Variants in DNPEP observed in about 807,000 individuals in gnomAD.
DNPEP encodes the protein aspartyl aminopeptidase.
In DNPEP, 46 loss-of-function variants were observed where a neutral mutation model predicts 59.1. The observed-to-expected ratio is 0.78, with a 90% confidence interval of 0.61 to 0.99. The LOEUF (loss-of-function observed/expected upper bound fraction) is 0.99, where lower values mean the gene tolerates loss of function less well. Among genes scored for constraint, DNPEP ranks in the 50% least tolerant of loss-of-function variants. The pLI is 0.00. For missense variants in DNPEP, 617 were observed against 649.9 expected, an observed-to-expected ratio of 0.95 and a Z score of 0.55; for synonymous variants, 229 against 242.2, an observed-to-expected ratio of 0.95 and a Z score of 0.50.
chr2:219,382,651 C>G (rs1194177384), intron 10 of DNPEP, among the ~76,000 whole-genome samples: 1 of 152,184 alleles, frequency 6.6e-6, no homozygotes, highest in Non-Finnish European at 1.5e-5. Flanking sequence ...CCTACTAACT[C>G]AGTGTAGACA....
chr2:219,385,898 C>A lies in DNPEP; in HGVS notation c.590+70G>T. The A allele has an allele frequency of 1.9e-6, 3 of 1,584,992 alleles. No homozygotes were observed. In the South Asian group the frequency reaches 3.4e-5, roughly 18 times the overall value. On this transcript the variant is annotated intron_variant, in intron 6 of 14. Transcript: ENST00000273075. ...AGAGTAAAATGTGACCTAATGGCTACCATTAGGTAATAATCACCTGGTACC... is the reference window on the plus strand; with the variant it reads ...AGAGTAAAATGTGACCTAATGGCTAACATTAGGTAATAATCACCTGGTACC...
rs760232103 is a variant in DNPEP at position 219,372,252 on chromosome 2, G to C, written c.*2040C>G. Among the ~76,000 whole-genome samples, 2 of 152,026 alleles carry C rather than the reference G, an allele frequency of 1.3e-5. No homozygotes were observed. Among genetic ancestry groups the C allele is most frequent in the Non-Finnish European group, 2.9e-5 (2 of 68,026 alleles). On this transcript the variant is annotated 3_prime_UTR_variant, in exon 15 of 15. Coordinates refer to ENST00000273075, the MANE Select transcript of DNPEP (RefSeq NM_012100.4). ...AGGAAACCATTACAAAAAGGCTAAG[G>C]CCCTTTTGTCACTCCCAACCCAGAA...
In DNPEP at chr2:219,387,885, C is replaced by G; in HGVS notation, c.-91G>C. Reference sequence around the variant, plus strand: ...CCCCCGCGTGCCCCTTCAGGCCGCGCCGCACTCGTAGGCCTTCATCACGCT... The same window carrying G: ...CCCCCGCGTGCCCCTTCAGGCCGCGGCGCACTCGTAGGCCTTCATCACGCT... On this transcript the variant is annotated 5_prime_UTR_variant, in exon 1 of 15. Coordinates refer to ENST00000273075, the MANE Select transcript of DNPEP (RefSeq NM_012100.4). 6.9e-7 allele frequency: 1 copy of G among 1,446,662 alleles called. No homozygotes were observed. The highest frequency in any genetic ancestry group is 2.8e-5 in the East Asian group (1 of 35,772). 89.6% of individuals were successfully genotyped at this position (1,446,662 alleles called of 1,614,324 possible).
chr2:219,375,518 A>G (rs1254030953), intron 13 of DNPEP, among the ~76,000 whole-genome samples: 1 of 152,166 alleles, frequency 6.6e-6, no homozygotes, highest in East Asian at 1.9e-4. Flanking sequence ...ATGAATAAGA[A>G]TTACAGTATT....
At chr2:219,385,595 T>C in intron 7 of DNPEP, 36 bp downstream of exon 7, 1 of 1,607,100 alleles carries the variant, frequency 6.2e-7, no homozygotes. Context: ...CTCAGGGGAC[T>C]CTGCCGCCCT....
chr2:219,387,028 C>A (rs1187808469), intron 2 of DNPEP, 42 bp downstream of exon 2: 1 of 1,612,206 alleles, frequency 6.2e-7, no homozygotes. Flanking sequence ...GTGAAGGGCG[C>A]ATCAGCCTCC....
At chr2:219,383,389 G>A (rs1953680747) in intron 9 of DNPEP, among the ~76,000 whole-genome samples, 175 bp from the exon 10 acceptor site, 1 of 152,132 alleles carries the variant, frequency 6.6e-6, no homozygotes, top group African/African-American at 2.4e-5. Context: ...CCTGGCAGAG[G>A]GTGTGGTGGG....
rs2125122304 is a variant in DNPEP, at chr2:219,374,017, C to T, written c.*275G>A. 1 of 431,786 alleles carries T rather than the reference C, an allele frequency of 2.3e-6. No homozygotes were observed. Among genetic ancestry groups the T allele is most frequent in the Non-Finnish European group, 4.2e-6 (1 of 238,280 alleles). The allele number at this position is 431,786 out of a possible 1,614,324, so 26.7% of individuals were successfully genotyped here. ...CTTCTGCTTGAGGATCCAGTCCACC[C>T]TTCACCCACTTCAGACATGGACTTG... On this transcript the variant is annotated 3_prime_UTR_variant, in exon 15 of 15. Coordinates refer to ENST00000273075, the MANE Select transcript of DNPEP (RefSeq NM_012100.4).
At chr2:219,394,719 G>C (rs1954069084) in intron 1 of DNPEP, among the ~76,000 whole-genome samples, 1 of 152,152 alleles carries the variant, frequency 6.6e-6, no homozygotes, top group African/African-American at 2.4e-5. Context: ...CCCTAGCCCA[G>C]ATATCTCTTC....
upstream of DNPEP, among the ~76,000 whole-genome samples, chr2:219,391,252 T>G (rs73991525): frequency 0.019 from 2,886 of 152,304 alleles, 110 homozygotes; most frequent in African/African-American, 0.066. Flanking sequence ...AGACTGTATA[T>G]GTCAGCCTCT....
chr2:219,392,509 A>C (rs1312249586), upstream of DNPEP, among the ~76,000 whole-genome samples: 1 of 151,406 alleles, frequency 6.6e-6, no homozygotes, highest in African/African-American at 2.4e-5. Flanking sequence ...TACCACACCC[A>C]GTTAAATTTT....
intron 1 of DNPEP, among the ~76,000 whole-genome samples, chr2:219,398,957 C>T (rs547635162): frequency 6.6e-6 from 1 of 152,354 alleles, no homozygotes; most frequent in East Asian, 1.9e-4. Flanking sequence ...GTCATTTAAT[C>T]CTCGCTGGAT....
At position 219,387,390 on chromosome 2, in the gene DNPEP, T is replaced by C. The variant is rs1303107861; in HGVS notation, c.37-227A>G. On this transcript the variant is annotated intron_variant, in intron 1 of 14. Coordinates refer to ENST00000273075, the MANE Select transcript of DNPEP (RefSeq NM_012100.4). Reference sequence around the variant, plus strand: ...GCCAGGCCCGCCCCTTAATCCGAACTTTAGCCCGACTCCCTAAGTCCCGCC... The same window carrying C: ...GCCAGGCCCGCCCCTTAATCCGAACCTTAGCCCGACTCCCTAAGTCCCGCC... 3 of 1,435,118 alleles carry C rather than the reference T, an allele frequency of 2.1e-6. No individual in the cohort carries two copies. In the East Asian group the frequency reaches 7.7e-5, roughly 37 times the overall value. 88.9% of individuals were successfully genotyped at this position (1,435,118 alleles called of 1,614,324 possible). A position where few individuals can be genotyped will look rare whatever the true frequency, so the allele number is the denominator to read the frequency against.
intron 13 of DNPEP, among the ~76,000 whole-genome samples, chr2:219,375,546 T>C (rs1953337909): frequency 6.6e-6 from 1 of 152,272 alleles, no homozygotes; most frequent in African/African-American, 2.4e-5. Context: ...GATTTTTATT[T>C]AAAAATTTTT....
intron 13 of DNPEP, among the ~76,000 whole-genome samples, chr2:219,380,446 T>C (rs978603947): frequency 3.9e-5 from 6 of 152,128 alleles, no homozygotes; most frequent in African/African-American, 1.4e-4. Context: ...GGTTTTGAAC[T>C]CCTGACCTCA....
intron 13 of DNPEP, among the ~76,000 whole-genome samples, chr2:219,377,513 C>G (rs150387619): frequency 9.7e-4 from 148 of 152,148 alleles, no homozygotes; most frequent in East Asian, 9.1e-3. Flanking sequence ...ACGCATTGTC[C>G]TGAGTTGGAT....
At chr2:219,385,204 G>T (rs150852544) in intron 8 of DNPEP, 172 of 499,840 alleles carry the variant, frequency 3.4e-4, no homozygotes, top group African/African-American at 2.7e-3. Flanking sequence ...TGTAAAAAGG[G>T]CCAATTCCCA....
Position 219,381,433 on chromosome 2 carries a change from G to A in DNPEP, c.1141C>T (p.Pro381Ser), listed in dbSNP as rs1183423128. 5.0e-6 allele frequency: 8 copies of A among 1,614,214 alleles called. No individual in the cohort carries two copies. Among genetic ancestry groups the A allele is most frequent in the Non-Finnish European group, 6.8e-6 (8 of 1,180,036 alleles). ...ENHRPLFHKG[P>S]VIKVNSKQRY... ...TGCTTGCTGTTCACCTTGATCACGG[G>A]GCCCTGGGGAGAGTCAAGGTGAGGC... The change falls in exon 13 of 15, where the codon CCC (proline) becomes TCC (serine). Residue 381 changes from proline to serine, a missense_variant. By Grantham distance (74) the Pro-to-Ser change is moderately conservative (BLOSUM62 -1). Transcript: ENST00000273075.
chr2:219,385,910 A>G, intron 6 of DNPEP, 58 bp downstream of exon 6: 1 of 1,596,276 alleles, frequency 6.3e-7, no homozygotes, highest in Non-Finnish European at 8.6e-7. Flanking sequence ...ATTAGGTAAT[A>G]ATCACCTGGT....
Sources: gnomAD v4.1 joint callset for allele counts (sites outside exome capture counted in the v4.1 genomes callset) on GRCh38, gnomAD v4.1.1 for gene constraint, MANE v1.5 for transcripts, NCBI Gene and HGNC (gene_info 2026-07-23, HGNC 2026-07-21) for gene names.